The following SLC39A10 variants were observed in gnomAD, a reference collection of about 807,000 sequenced individuals.
SLC39A10 encodes solute carrier family 39 member 10, also known as zinc transporter ZIP10.
SLC39A10 carries 13 observed loss-of-function variants against 65.1 expected under a neutral mutation model. That is an observed-to-expected ratio of 0.20 (90% CI 0.13 to 0.32). The LOEUF (loss-of-function observed/expected upper bound fraction) is 0.32. SLC39A10 is among the 10% of genes least tolerant of loss of function. The pLI is 1.00. For missense variants in SLC39A10, 831 were observed against 1,018.4 expected (o/e 0.82, Z 2.50); for synonymous variants, 321 against 342.2 (o/e 0.94, Z 0.68).
At chr2:195,667,398 T>C (rs1689674746) in intron 1 of SLC39A10, among the ~76,000 whole-genome samples, 1 of 152,192 alleles carries the variant, frequency 6.6e-6, no homozygotes, top group Non-Finnish European at 1.5e-5. Context: ...CTAATGTCAG[T>C]GAAACTGGTA....
At position 195,680,539 on chromosome 2, in the gene SLC39A10, CTGA is replaced by C; in HGVS notation, c.502_504del (p.Asp168del). 3.1e-6 allele frequency: 5 copies of C among 1,614,162 alleles called. No individual in the cohort carries two copies. Among genetic ancestry groups the C allele is most frequent in the Non-Finnish European group, 4.2e-6 (5 of 1,180,048 alleles). ...GAGACAGTTGAAGTGTCTGTAAAATCTGATGATAAACATATGCATGACCATAAT... is the reference window on the plus strand; with the variant it reads ...GAGACAGTTGAAGTGTCTGTAAAATCTGATAAACATATGCATGACCATAAT... On this transcript the variant is annotated inframe_deletion, in exon 2 of 10. Coordinates refer to ENST00000359634, the MANE Select transcript of SLC39A10 (RefSeq NM_020342.3).
chr2:195,658,814 T>C (rs1689268178), intron 1 of SLC39A10, among the ~76,000 whole-genome samples: 1 of 147,180 alleles, frequency 6.8e-6, no homozygotes, highest in South Asian at 2.2e-4. Flanking sequence ...TGGAAACATA[T>C]AATATCAGTG....
intron 2 of SLC39A10, among the ~76,000 whole-genome samples, chr2:195,650,060 G>A (rs944366143): frequency 2.6e-5 from 4 of 152,048 alleles, no homozygotes; most frequent in African/African-American, 9.7e-5. Context: ...AGTTCTTCCG[G>A]TTTCAAGGCC....
At chr2:195,618,056 A>G (rs964932812) in intron 2 of SLC39A10, among the ~76,000 whole-genome samples, 1 of 42,754 alleles carries the variant, frequency 2.3e-5, no homozygotes, top group African/African-American at 9.9e-5. Context: ...TATTTTAAAA[A>G]GAAAAAGAAG....
chr2:195,616,129 A>G (rs1688201983), intron 2 of SLC39A10, among the ~76,000 whole-genome samples: 1 of 151,316 alleles, frequency 6.6e-6, no homozygotes, highest in African/African-American at 2.4e-5. Flanking sequence ...TAATTTTTGT[A>G]TTTTCAGTAG....
In SLC39A10 at chr2:195,708,912, A is replaced by G. The variant is rs571061263; in HGVS notation, c.1575+68A>G. 3.5e-5 allele frequency: 40 copies of G among 1,136,374 alleles called. No homozygotes were observed. In the South Asian group the frequency reaches 5.8e-4, roughly 16 times the overall value. The allele number at this position is 1,136,374 out of a possible 1,614,324, so 70.4% of individuals were successfully genotyped here. The stretch of plus-strand genomic sequence containing the variant: ...AAACAAAAATTATCCTTTTCTGGGT[A>G]TATGCTTTCCTTAATTATGATGTTG... On this transcript the variant is annotated intron_variant, in intron 5 of 9. Transcript: ENST00000359634.
At chr2:195,715,282 C>G (rs1691751518) in intron 6 of SLC39A10, among the ~76,000 whole-genome samples, 1 of 151,876 alleles carries the variant, frequency 6.6e-6, no homozygotes, top group Non-Finnish European at 1.5e-5. Context: ...CATCCCGGCA[C>G]TTTGGGAGGC....
intron 2 of SLC39A10, among the ~76,000 whole-genome samples, chr2:195,630,185 T>G (rs1688558972): frequency 6.8e-6 from 1 of 147,156 alleles, no homozygotes; most frequent in Non-Finnish European, 1.5e-5. Context: ...ACAAGTTTAA[T>G]AAACTGAGAC....
intron 1 of SLC39A10, among the ~76,000 whole-genome samples, chr2:195,665,565 T>A (rs565690553): frequency 4.6e-5 from 7 of 152,250 alleles, no homozygotes; most frequent in Non-Finnish European, 1.0e-4. Flanking sequence ...TTTATTGGTT[T>A]GTCAACTAAA....
intron 1 of SLC39A10, among the ~76,000 whole-genome samples, chr2:195,676,057 T>C (rs1651936682): frequency 6.6e-6 from 1 of 152,166 alleles, no homozygotes; most frequent in Admixed American, 6.5e-5. Flanking sequence ...TAGTTGTCTA[T>C]GTAGTAGTGG....
At chr2:195,643,878 A>G (rs554885255) in intron 2 of SLC39A10, among the ~76,000 whole-genome samples, 1 of 152,348 alleles carries the variant, frequency 6.6e-6, no homozygotes, top group Admixed American at 6.5e-5. Context: ...TTTCTACCCA[A>G]CATCATCCCC....
chr2:195,666,983 A>G (rs1357827248), intron 1 of SLC39A10, among the ~76,000 whole-genome samples: 2 of 152,248 alleles, frequency 1.3e-5, no homozygotes, highest in South Asian at 2.1e-4. Flanking sequence ...TTGTTTTGAC[A>G]TTTGATGAGA....
intron 1 of SLC39A10, among the ~76,000 whole-genome samples, chr2:195,660,059 C>T (rs72929787): frequency 0.28 from 42,843 of 151,530 alleles, 6,145 homozygotes; most frequent in Middle Eastern, 0.43. Context: ...TGAGGGGGTA[C>T]ATACTGCACA....
intron 2 of SLC39A10, among the ~76,000 whole-genome samples, chr2:195,630,101 A>ATG (rs1181570098): frequency 1.1e-4 from 9 of 81,314 alleles, no homozygotes; most frequent in Non-Finnish European, 1.8e-4. Flanking sequence ...AACTCATTTT[A>ATG]TATGTGTGTG....
At chr2:195,653,083 G>C (rs1689074563), upstream of SLC39A10, among the ~76,000 whole-genome samples, 1 of 152,118 alleles carries the variant, frequency 6.6e-6, no homozygotes, top group Non-Finnish European at 1.5e-5. Context: ...AAAAAAGTTG[G>C]GGACTGCTGC....
At chr2:195,634,472 C>G (rs905095198) in intron 2 of SLC39A10, among the ~76,000 whole-genome samples, 2 of 152,066 alleles carry the variant, frequency 1.3e-5, no homozygotes, top group Admixed American at 1.3e-4. Flanking sequence ...CTTGATGTGC[C>G]TCCTTCCAGC....
chr2:195,673,948 C>T (rs1689978264), intron 1 of SLC39A10, among the ~76,000 whole-genome samples: 1 of 152,088 alleles, frequency 6.6e-6, no homozygotes, highest in South Asian at 2.1e-4. Flanking sequence ...TGTGTACTTC[C>T]TCTATCAGCT....
intron 2 of SLC39A10, among the ~76,000 whole-genome samples, chr2:195,624,189 C>A (rs1371969957): frequency 2.6e-5 from 4 of 151,546 alleles, no homozygotes; most frequent in Non-Finnish European, 1.5e-5. Context: ...AGTTCGAGAC[C>A]AGCCTGACCA....
At chr2:195,631,206 A>G (rs914266972) in intron 2 of SLC39A10, among the ~76,000 whole-genome samples, 4 of 151,772 alleles carry the variant, frequency 2.6e-5, no homozygotes, top group Non-Finnish European at 4.4e-5. Flanking sequence ...ATATATCTAT[A>G]TATATAGAGA....
Sources: gnomAD v4.1 joint callset for allele counts (sites outside exome capture counted in the v4.1 genomes callset) on GRCh38, gnomAD v4.1.1 for gene constraint, MANE v1.5 for transcripts, NCBI Gene and HGNC (gene_info 2026-07-23, HGNC 2026-07-21) for gene names.